Variants in PEX1 observed in about 807,000 individuals in gnomAD.
PEX1 encodes the protein peroxisomal biogenesis factor 1.
Under a neutral mutation model 152.5 loss-of-function variants are expected in PEX1, and 97 were observed. The observed-to-expected ratio is 0.64, with a 90% CI of 0.54 to 0.75. The LOEUF is 0.75. Ranked by LOEUF, PEX1 falls within the 30% of genes least tolerant of loss-of-function variation. The pLI, the probability that PEX1 is intolerant of heterozygous loss-of-function variation, is 0.00. For missense variants in PEX1, 1,357 were observed against 1,516.3 expected (o/e 0.89, Z 1.74); for synonymous variants, 485 against 531.6 (o/e 0.91, Z 1.21).
In PEX1 at chr7:92,506,316, G is replaced by C; in HGVS notation, c.1832C>G (p.Ala611Gly). ...TTTGTCAAATGCTTCTTTACAGATT[G>C]CTTTGGCTAAAGTTGATTTTCCACT... The part of the protein sequence containing the change: ...KGSGKSTLAK[A>G]ICKEAFDKLD... The change falls in exon 11 of 24, where the codon GCA becomes GGA. Residue 611 changes from alanine (A) to glycine (G), a missense_variant. Transcript: ENST00000248633. 6.2e-7 allele frequency: 1 copy of C among 1,610,458 alleles called. No homozygotes were observed. Among genetic ancestry groups the C allele is most frequent in the East Asian group, 2.2e-5 (1 of 44,792 alleles).
intron 12 of PEX1, 115 bp downstream of exon 12, chr7:92,504,617 A>T: frequency 9.1e-7 from 1 of 1,097,722 alleles, no homozygotes; most frequent in Non-Finnish European, 1.3e-6. Flanking sequence ...GGCCTCAAAC[A>T]CAACACTTAA....
chr7:92,509,334 A>G lies in PEX1; in HGVS notation c.1665T>C (p.Ser555=). 6.2e-7 allele frequency: 1 copy of G among 1,610,324 alleles called. No individual in the cohort carries two copies. The highest frequency in any genetic ancestry group is 8.5e-7 in the Non-Finnish European group (1 of 1,176,878). ...GTTTGGCCATAACTTCTTACCCCAA[A>G]GAGCTCAGCTTTAAAAAAGGAAGAA... ...DFILPFLKLS[S]LGGVNSLGVS... Residue 555 remains serine (S), a synonymous_variant, in exon 9 of 24, where the codon TCT becomes TCC. Transcript: ENST00000248633.
intron 17 of PEX1, among the ~76,000 whole-genome samples, chr7:92,495,804 T>C (rs1256810845): frequency 6.6e-6 from 1 of 152,084 alleles, no homozygotes; most frequent in Non-Finnish European, 1.5e-5. Context: ...CATTCTTATC[T>C]TTATTATTTC....
chr7:92,489,555 C>G, intron 22 of PEX1, 132 bp from the exon 23 acceptor site: 1 of 1,043,752 alleles, frequency 9.6e-7, no homozygotes, highest in Non-Finnish European at 1.5e-6. Context: ...GATAATGAAA[C>G]ATTGAAAGCA....
Position 92,525,768 on chromosome 7 carries a change from G to A in PEX1, c.129+2539C>T, listed in dbSNP as rs543450159. On this transcript the variant is annotated intron_variant, in intron 1 of 23. Coordinates refer to ENST00000248633, the MANE Select transcript of PEX1 (RefSeq NM_000466.3). ...AGTCAGTCCTGAAATAATGACTTGAGTAAACAAGAGAATACAATACTTGAA... is the reference window on the plus strand; with the variant it reads ...AGTCAGTCCTGAAATAATGACTTGAATAAACAAGAGAATACAATACTTGAA... Among the ~76,000 whole-genome samples the A allele has an allele frequency of 3.3e-5, 5 of 152,266 alleles. No individual in the cohort carries two copies. The East Asian group carries it at 7.7e-4, about 23-fold the overall frequency.
At position 92,501,523 on chromosome 7, in the gene PEX1, A is replaced by G; in HGVS notation, c.2567T>C (p.Ile856Thr). The change falls in exon 15 of 24, where the codon ATC (isoleucine) becomes ACC (threonine). Residue 856 changes from isoleucine (I) to threonine (T), a missense_variant. Coordinates refer to ENST00000248633, the MANE Select transcript of PEX1 (RefSeq NM_000466.3). ...HEVRQILMDT[I>T]QLPAKYPELF... ...TAAACATACCTTGGCAGGTAACTGG[A>G]TAGTATCCATGAGTATCTGCCTAAC... 6.2e-7 allele frequency: 1 copy of G among 1,613,452 alleles called. No homozygotes were observed.
rs150104995 is a variant in PEX1 at position 92,510,862 on chromosome 7, G to A, written c.1587+82C>T. ...TTTTTAATACACTTCACAATGCAAG[G>A]TGTTACAAGGAACTTCATACTTTAT... On this transcript the variant is annotated intron_variant, in intron 8 of 23. Coordinates refer to ENST00000248633, the MANE Select transcript of PEX1 (RefSeq NM_000466.3). The A allele has an allele frequency of 1.1e-3, 786 of 744,556 alleles. 7 individuals are homozygous for A. In the African/African-American group the frequency reaches 0.013, roughly 12 times the overall value. 46.1% of individuals were successfully genotyped at this position (744,556 alleles called of 1,614,324 possible). A position where few individuals can be genotyped will look rare whatever the true frequency, so the allele number is the denominator to read the frequency against.
intron 2 of PEX1, among the ~76,000 whole-genome samples, chr7:92,519,825 C>T (rs1488340213): frequency 4.6e-5 from 7 of 152,142 alleles, no homozygotes. Context: ...CACCATCTTA[C>T]TTCCTTTCCC....
chr7:92,499,728 A>G lies in PEX1; in HGVS notation c.2694T>C (p.Ser898=), dbSNP rs1791831138. 1.2e-6 allele frequency: 2 copies of G among 1,612,860 alleles called. No individual in the cohort carries two copies. The highest frequency in any genetic ancestry group is 1.3e-5 in the African/African-American group (1 of 74,920). Residue 898 remains serine, a synonymous_variant, in exon 16 of 24, where the codon AGT becomes AGC. Transcript: ENST00000248633. ...TLLAGVIARE[S]RMNFISVKGP... ...CCTTGACACTTATAAAATTCATTCT[A>G]CTCTCTCGTGCAATTACCCCAGCTA...
chr7:92,508,285 T>TC (rs1335465680), intron 9 of PEX1, among the ~76,000 whole-genome samples: 2 of 152,150 alleles, frequency 1.3e-5, no homozygotes, highest in Non-Finnish European at 2.9e-5. Flanking sequence ...GCACAGTGGT[T>TC]CACGCCTGTA....
intron 15 of PEX1, among the ~76,000 whole-genome samples, chr7:92,500,745 CCT>C (rs1293813041): frequency 6.6e-6 from 1 of 152,170 alleles, no homozygotes; most frequent in East Asian, 1.9e-4. Context: ...ATGATCTTTG[CCT>C]CTCAGATCTC....
In PEX1 at chr7:92,492,937, TC is replaced by T; in HGVS notation, c.3207+15del. The T allele has an allele frequency of 6.3e-7, 1 of 1,599,356 alleles. No individual in the cohort carries two copies. The highest frequency in any genetic ancestry group is 1.1e-5 in the South Asian group (1 of 90,754). On this transcript the variant is annotated intron_variant, in intron 20 of 23. Transcript: ENST00000248633. ...TCACTCATAAAATGTCATAACAACT[TC>T]CTCATATAACTTGCCTGGAGTCCAC...
chr7:92,501,431 G>T, intron 15 of PEX1, 76 bp downstream of exon 15: 2 of 1,206,680 alleles, frequency 1.7e-6, no homozygotes, highest in Non-Finnish European at 2.5e-6. Flanking sequence ...TGGGCAAGCT[G>T]ACACATAAAG....
chr7:92,521,638 C>A (rs975264237), intron 2 of PEX1, among the ~76,000 whole-genome samples: 1 of 151,676 alleles, frequency 6.6e-6, no homozygotes, highest in Non-Finnish European at 1.5e-5. Context: ...GGTTTCACCA[C>A]GTTGGGCAGG....
At chr7:92,502,461 T>A (rs1389658222) in intron 13 of PEX1, among the ~76,000 whole-genome samples, 2 of 152,218 alleles carry the variant, frequency 1.3e-5, no homozygotes, top group African/African-American at 4.8e-5. Context: ...TTTAAGAATT[T>A]TTTTTTGGTT....
rs376883207 is a variant in PEX1, at chr7:92,513,924, G to A, written c.1283C>T (p.Ala428Val). Residue 428 changes from alanine (A) to valine (V), a missense_variant, in exon 6 of 24, where the codon GCC (alanine) becomes GTC (valine). Transcript: ENST00000248633. Reference protein sequence around the residue: ...LRKRLNIEMHAVVRITPVEVT... With the variant: ...LRKRLNIEMHVVVRITPVEVT... The stretch of plus-strand genomic sequence containing the variant: ...TTCCACTGGAGTTATCCTGACTACG[G>A]CATGCATTTCTATATTTAGTCTCTT... 4.0e-5 allele frequency: 64 copies of A among 1,590,704 alleles called. No homozygotes were observed. In the Admixed American group the frequency reaches 6.3e-4, roughly 16 times the overall value.
intron 8 of PEX1, among the ~76,000 whole-genome samples, chr7:92,510,187 T>G (rs528610124): frequency 6.8e-6 from 1 of 146,812 alleles, no homozygotes; most frequent in South Asian, 2.1e-4. Context: ...CTAGAATAGC[T>G]GGGCGCAGTG....
At chr7:92,509,262 T>C (rs1792340324) in intron 9 of PEX1, 67 bp downstream of exon 9, 1 of 1,023,044 alleles carries the variant, frequency 9.8e-7, no homozygotes, top group Non-Finnish European at 1.6e-6. Flanking sequence ...AATATTTACA[T>C]TGAAAACTCT....
chr7:92,495,521 G>A (rs768158754), intron 17 of PEX1, among the ~76,000 whole-genome samples: 2 of 152,048 alleles, frequency 1.3e-5, no homozygotes, highest in Non-Finnish European at 2.9e-5. Flanking sequence ...CTCAGATTTT[G>A]TTTCTTTTTT....
Sources: allele counts gnomAD v4.1 joint callset (sites outside exome capture counted in the v4.1 genomes callset), GRCh38; gene constraint gnomAD v4.1.1; transcripts MANE v1.5; gene names NCBI Gene and HGNC (gene_info 2026-07-23, HGNC 2026-07-21).